RASSF8: variants seen among roughly 807,000 people sequenced by gnomAD.
The protein encoded by RASSF8 is ras association domain-containing protein 8.
In RASSF8, 22 loss-of-function variants were observed where a neutral mutation model predicts 48.5. The ratio of observed to expected loss-of-function variants is 0.45; its 90% CI spans 0.32 to 0.65. RASSF8 has a LOEUF of 0.65. Among genes scored for constraint, RASSF8 ranks in the 30% least tolerant of loss-of-function variants. The pLI is 0.03. For missense variants in RASSF8, 418 were observed against 489.2 expected, an observed-to-expected ratio of 0.85 and a Z score of 1.37; for synonymous variants, 127 against 171.5, an observed-to-expected ratio of 0.74 and a Z score of 2.03.
At chr12:26,007,498 A>G (rs989887743) in intron 2 of RASSF8, among the ~76,000 whole-genome samples, 1 of 152,192 alleles carries the variant, frequency 6.6e-6, no homozygotes, top group African/African-American at 2.4e-5. Context: ...CAGAATGAAG[A>G]AGGTGCCTGG....
chr12:25,970,604 A>G (rs74072277), intron 1 of RASSF8, among the ~76,000 whole-genome samples: 5,861 of 152,116 alleles, frequency 0.039, 358 homozygotes, highest in African/African-American at 0.13. Flanking sequence ...CAGAAATCTC[A>G]CTGTGTCACT....
At chr12:26,077,491 T>A (rs1944082533), downstream of RASSF8, among the ~76,000 whole-genome samples, 1 of 152,228 alleles carries the variant, frequency 6.6e-6, no homozygotes. Flanking sequence ...GGCTAGCCAG[T>A]TTTCCCAGCA....
At chr12:26,073,957 TATAG>T (rs745940051), downstream of RASSF8, among the ~76,000 whole-genome samples, 40 of 150,992 alleles carry the variant, frequency 2.6e-4, no homozygotes, top group Middle Eastern at 3.4e-3. Flanking sequence ...CATCTATATA[TATAG>T]AGAGAGAGAG....
At chr12:26,054,521 G>C (rs769571493) in intron 2 of RASSF8, among the ~76,000 whole-genome samples, 1 of 152,182 alleles carries the variant, frequency 6.6e-6, no homozygotes, top group Non-Finnish European at 1.5e-5. Context: ...ACTGTTGGTC[G>C]TCAAAGGAAT....
At chr12:25,999,569 A>T (rs964730460) in intron 2 of RASSF8, among the ~76,000 whole-genome samples, 2 of 152,146 alleles carry the variant, frequency 1.3e-5, no homozygotes, top group African/African-American at 2.4e-5. Context: ...TACAAAAAAA[A>T]TTTTTAAAAA....
chr12:26,025,513 G>T (rs1320871467), intron 2 of RASSF8, among the ~76,000 whole-genome samples: 1 of 145,022 alleles, frequency 6.9e-6, no homozygotes. Context: ...AGTGAGCCGA[G>T]ATCGCACCGC....
At chr12:25,964,116 A>C (rs948979662) in intron 1 of RASSF8, among the ~76,000 whole-genome samples, 25 of 152,146 alleles carry the variant, frequency 1.6e-4, no homozygotes, top group Non-Finnish European at 3.1e-4. Context: ...TGTGGAGGAG[A>C]GGAAAGTTAT....
At chr12:26,062,694 A>G (rs71452003) in intron 3 of RASSF8, among the ~76,000 whole-genome samples, 3 of 150,406 alleles carry the variant, frequency 2.0e-5, no homozygotes, top group Non-Finnish European at 4.4e-5. Context: ...AAGGGAGGGG[A>G]AAAAATAAAT....
chr12:26,022,735 T>C (rs1273755843), intron 2 of RASSF8, among the ~76,000 whole-genome samples: 1 of 152,032 alleles, frequency 6.6e-6, no homozygotes, highest in Admixed American at 6.6e-5. Context: ...CCACAGTTGA[T>C]TTCTTTCTTT....
intron 2 of RASSF8, among the ~76,000 whole-genome samples, chr12:26,024,857 T>TG (rs1366557458): frequency 6.6e-6 from 1 of 151,654 alleles, no homozygotes; most frequent in Non-Finnish European, 1.5e-5. Context: ...CTTGGGAGGC[T>TG]GAGGCAGGAG....
chr12:26,034,120 A>T (rs527573603), intron 2 of RASSF8, among the ~76,000 whole-genome samples: 6 of 152,020 alleles, frequency 3.9e-5, no homozygotes, highest in Non-Finnish European at 8.8e-5. Flanking sequence ...TGGCTGCCTC[A>T]CAAAGGTGGG....
chr12:26,020,737 T>C (rs548302036), intron 2 of RASSF8, among the ~76,000 whole-genome samples: 1 of 152,298 alleles, frequency 6.6e-6, no homozygotes, highest in East Asian at 1.9e-4. Flanking sequence ...AACCAAATTT[T>C]AAGTATCTAT....
chr12:26,005,707 T>A (rs943213180), intron 2 of RASSF8, among the ~76,000 whole-genome samples: 3 of 152,218 alleles, frequency 2.0e-5, no homozygotes, highest in Non-Finnish European at 2.9e-5. Context: ...AAGGTTCATA[T>A]CAGATGGGAA....
At chr12:26,074,793 CAAG>C (rs1944057690), downstream of RASSF8, among the ~76,000 whole-genome samples, 1 of 152,072 alleles carries the variant, frequency 6.6e-6, no homozygotes, top group Non-Finnish European at 1.5e-5. Flanking sequence ...GTGATATAAA[CAAG>C]AAGGGCTGTC....
intron 2 of RASSF8, among the ~76,000 whole-genome samples, chr12:25,998,709 G>A (rs1357753289): frequency 4.6e-5 from 7 of 152,138 alleles, no homozygotes; most frequent in Non-Finnish European, 8.8e-5. Flanking sequence ...TGCTAGCTAA[G>A]ATTATTTGAA....
At chr12:26,009,980 G>A (rs952617262) in intron 2 of RASSF8, among the ~76,000 whole-genome samples, 1 of 152,222 alleles carries the variant, frequency 6.6e-6, no homozygotes, top group African/African-American at 2.4e-5. Flanking sequence ...TTTATTCTTT[G>A]ATTGAAAAGA....
At chr12:26,040,891 GT>G (rs113609672) in intron 2 of RASSF8, among the ~76,000 whole-genome samples, 39,600 of 141,688 alleles carry the variant, frequency 0.28, 5,772 homozygotes, top group East Asian at 0.51. Flanking sequence ...ATTATACATA[GT>G]TTTTTTTTTT....
chr12:26,053,549 G>A (rs1216679520), intron 2 of RASSF8, among the ~76,000 whole-genome samples: 1 of 152,150 alleles, frequency 6.6e-6, no homozygotes, highest in African/African-American at 2.4e-5. Flanking sequence ...GTGCACACCA[G>A]CCTATTAAAG....
chr12:26,071,698 G>GT lies in RASSF8; in HGVS notation c.*2882dup. 1.0e-6 allele frequency: 1 copy of GT among 979,798 alleles called. No homozygotes were observed. Among genetic ancestry groups the GT allele is most frequent in the Non-Finnish European group, 1.2e-6 (1 of 824,994 alleles). The allele number at this position is 979,798 out of a possible 1,614,324, so 60.7% of individuals were successfully genotyped here. Reference sequence around the variant, plus strand: ...GAGACTTCAGTTGGTATTAATAGGAGTTACCTATTTAATTCTCCCAGTCAT... The same window carrying GT: ...GAGACTTCAGTTGGTATTAATAGGAGTTTACCTATTTAATTCTCCCAGTCAT... On this transcript the variant is annotated 3_prime_UTR_variant, in exon 6 of 6. Transcript: ENST00000689635.
Sources: gnomAD v4.1 joint callset for allele counts (sites outside exome capture counted in the v4.1 genomes callset) on GRCh38, gnomAD v4.1.1 for gene constraint, MANE v1.5 for transcripts, NCBI Gene and HGNC (gene_info 2026-07-23, HGNC 2026-07-21) for gene names.